Variants in LRRC7 observed in about 807,000 individuals in gnomAD.
The protein encoded by LRRC7 is leucine-rich repeat-containing protein 7.
A neutral mutation model predicts 175.7 loss-of-function variants in LRRC7; 23 were observed. The ratio of observed to expected loss-of-function variants is 0.13; its 90% CI spans 0.09 to 0.19. The LOEUF is 0.19. LRRC7 is among the 10% of genes least tolerant of loss of function. The pLI, the probability that LRRC7 is intolerant of heterozygous loss-of-function variation, is 1.00. For synonymous variants in LRRC7, 685 were observed against 680.9 expected, an observed-to-expected ratio of 1.01 and a Z score of -0.09; for missense variants, 1,354 against 1,904.7, an observed-to-expected ratio of 0.71 and a Z score of 5.38.
At chr1:70,026,525 T>A (rs1658117957) in intron 17 of LRRC7, among the ~76,000 whole-genome samples, 1 of 152,118 alleles carries the variant, frequency 6.6e-6, no homozygotes, top group African/African-American at 2.4e-5. Context: ...TCCTTTTATG[T>A]TTATTTAAGA....
chr1:69,840,710 A>T (rs1462243568), intron 7 of LRRC7, among the ~76,000 whole-genome samples: 1 of 152,052 alleles, frequency 6.6e-6, no homozygotes, highest in African/African-American at 2.4e-5. Flanking sequence ...ATTCCTCTAC[A>T]TACATCAAGG....
rs139180120 is a variant in LRRC7, at chr1:69,640,829, AAATC to A, written c.3-37548_3-37545del. Among the ~76,000 whole-genome samples, 990 of 151,684 alleles carry A rather than the reference AAATC, an allele frequency of 6.5e-3. 5 individuals carry two copies. The highest frequency in any genetic ancestry group is 0.023 in the African/African-American group (937 of 41,508). On this transcript the variant is annotated intron_variant, in intron 1 of 26. Transcript: ENST00000651989. Reference sequence around the variant, plus strand: ...TTGCTACTTGAATTTGGAAAAGAAAAAATCAATAAAGGTTGTTAATGCAGTAAAA... The same window carrying A: ...TTGCTACTTGAATTTGGAAAAGAAAAAATAAAGGTTGTTAATGCAGTAAAA...
chr1:70,041,248 G>A (rs926751608), intron 21 of LRRC7, among the ~76,000 whole-genome samples: 1 of 152,148 alleles, frequency 6.6e-6, no homozygotes, highest in Non-Finnish European at 1.5e-5. Flanking sequence ...ACGTTTACAG[G>A]TTTACTCTTT....
At chr1:69,648,835 C>A (rs1038217352) in intron 1 of LRRC7, among the ~76,000 whole-genome samples, 1 of 152,188 alleles carries the variant, frequency 6.6e-6, no homozygotes, top group Non-Finnish European at 1.5e-5. Context: ...TTTAGTAACA[C>A]TGTGAGACAC....
intron 6 of LRRC7, 23 bp downstream of exon 6, chr1:69,834,892 A>C (rs764863710): frequency 6.4e-7 from 1 of 1,566,764 alleles, no homozygotes; most frequent in African/African-American, 1.4e-5. Flanking sequence ...AATTTAAATT[A>C]TGCAATTATA....
At chr1:70,056,905 G>A (rs2031710) in intron 23 of LRRC7, among the ~76,000 whole-genome samples, 19,526 of 152,134 alleles carry the variant, frequency 0.13, 1,722 homozygotes, top group African/African-American at 0.24. Flanking sequence ...ATGATGCACA[G>A]AAACGTCAAG....
intron 2 of LRRC7, among the ~76,000 whole-genome samples, chr1:69,685,246 T>C (rs150449073): frequency 1.3e-5 from 2 of 152,298 alleles, no homozygotes; most frequent in East Asian, 3.9e-4. Context: ...CTAAACAGGA[T>C]ACATACCTGC....
chr1:69,666,678 T>C (rs977461072), intron 1 of LRRC7, among the ~76,000 whole-genome samples: 2 of 152,122 alleles, frequency 1.3e-5, no homozygotes, highest in Non-Finnish European at 2.9e-5. Flanking sequence ...TTTTTATCTC[T>C]GATTTTATTT....
At chr1:69,854,905 G>C (rs897764616) in intron 7 of LRRC7, among the ~76,000 whole-genome samples, 1 of 152,072 alleles carries the variant, frequency 6.6e-6, no homozygotes, top group Non-Finnish European at 1.5e-5. Flanking sequence ...GGCGAAGTGG[G>C]GGGGACCTGG....
At chr1:69,869,826 T>C (rs1685335796) in intron 7 of LRRC7, among the ~76,000 whole-genome samples, 1 of 152,120 alleles carries the variant, frequency 6.6e-6, no homozygotes, top group African/African-American at 2.4e-5. Context: ...ATCAGAAGGA[T>C]TTTTGGACAT....
intron 14 of LRRC7, among the ~76,000 whole-genome samples, chr1:70,017,105 C>G (rs952412675): frequency 1.3e-5 from 2 of 151,970 alleles, no homozygotes; most frequent in Non-Finnish European, 2.9e-5. Flanking sequence ...TGGTGAAACC[C>G]TGTCTCTATT....
intron 7 of LRRC7, among the ~76,000 whole-genome samples, chr1:69,854,512 A>G (rs1467571807): frequency 6.6e-6 from 1 of 151,964 alleles, no homozygotes; most frequent in Non-Finnish European, 1.5e-5. Context: ...CTAAATTTAA[A>G]GAGAGAGAGA....
intron 1 of LRRC7, among the ~76,000 whole-genome samples, chr1:69,630,482 A>T (rs980704769): frequency 6.6e-6 from 1 of 152,146 alleles, no homozygotes; most frequent in Non-Finnish European, 1.5e-5. Context: ...GTTTACCTAT[A>T]CTTGCTACCT....
At chr1:69,617,038 G>A (rs1157644389) in intron 1 of LRRC7, among the ~76,000 whole-genome samples, 1 of 152,012 alleles carries the variant, frequency 6.6e-6, no homozygotes, top group South Asian at 2.1e-4. Flanking sequence ...TTTTTGTAAC[G>A]TATTTGCATT....
intron 1 of LRRC7, among the ~76,000 whole-genome samples, chr1:69,666,661 A>G (rs1447645481): frequency 6.6e-6 from 1 of 151,794 alleles, no homozygotes; most frequent in Non-Finnish European, 1.5e-5. Context: ...CAGTTGTAAT[A>G]TCTCCTTTTT....
At chr1:69,860,643 G>GA (rs1252022444) in intron 7 of LRRC7, among the ~76,000 whole-genome samples, 2 of 151,078 alleles carry the variant, frequency 1.3e-5, no homozygotes, top group Non-Finnish European at 3.0e-5. Flanking sequence ...TTTTGTTCTA[G>GA]AAAAAAAGCA....
rs74478307 is a variant in LRRC7, at chr1:69,830,536, A to T, written c.501-4244A>T. 7.6e-3 allele frequency among the ~76,000 whole-genome samples: 1,158 copies of T among 151,964 alleles called. 15 individuals carry two copies. The highest frequency in any genetic ancestry group is 0.027 in the African/African-American group (1,105 of 41,548). ...ATGGACAGTTTAAGAGATTTTAAAA[A>T]TTCCTTATCCCCAAATAATTTATAA... On this transcript the variant is annotated intron_variant, in intron 5 of 26. Transcript: ENST00000651989.
intron 7 of LRRC7, among the ~76,000 whole-genome samples, chr1:69,844,326 C>T (rs1002365048): frequency 6.6e-6 from 1 of 152,042 alleles, no homozygotes; most frequent in Non-Finnish European, 1.5e-5. Context: ...ATAACTGAAA[C>T]TTTATACCAA....
chr1:69,773,011 C>T (rs1672415045), intron 3 of LRRC7, among the ~76,000 whole-genome samples: 1 of 152,078 alleles, frequency 6.6e-6, no homozygotes, highest in Non-Finnish European at 1.5e-5. Context: ...TGATTGAAGT[C>T]TATTAAAGAG....
Sources: allele counts gnomAD v4.1 joint callset (sites outside exome capture counted in the v4.1 genomes callset), GRCh38; gene constraint gnomAD v4.1.1; transcripts MANE v1.5; gene names NCBI Gene and HGNC (gene_info 2026-07-23, HGNC 2026-07-21).